The following FNDC3A variants were observed in gnomAD, a reference collection of about 807,000 sequenced individuals.
The protein encoded by FNDC3A is fibronectin type III domain containing 3A, also known as fibronectin type-III domain-containing protein 3A.
Under a neutral mutation model 148.9 loss-of-function variants are expected in FNDC3A, and 32 were observed. The ratio of observed to expected loss-of-function variants is 0.21; its 90% CI spans 0.16 to 0.29. The LOEUF is 0.29. Among genes scored for constraint, FNDC3A ranks in the 10% least tolerant of loss-of-function variants. The probability of loss-of-function intolerance (pLI) is 1.00; values close to 1 mark genes in which losing one functional copy is unlikely to be tolerated. For missense variants in FNDC3A, 1,191 were observed against 1,452.8 expected (o/e 0.82, Z 2.93); for synonymous variants, 472 against 473.6 (o/e 1.00, Z 0.04).
At chr13:49,022,640 C>A (rs549229584) in intron 2 of FNDC3A, among the ~76,000 whole-genome samples, 1 of 152,228 alleles carries the variant, frequency 6.6e-6, no homozygotes, top group African/African-American at 2.4e-5. Context: ...AATTCTAATA[C>A]AAACCATTAA....
chr13:49,088,592 A>G (rs150151141), intron 3 of FNDC3A, among the ~76,000 whole-genome samples: 98 of 152,340 alleles, frequency 6.4e-4, no homozygotes, highest in African/African-American at 2.0e-3. Context: ...AACCAGTAGC[A>G]TTCGACCCAG....
At chr13:48,989,924 G>A (rs910621790) in intron 1 of FNDC3A, among the ~76,000 whole-genome samples, 2 of 151,914 alleles carry the variant, frequency 1.3e-5, no homozygotes, top group African/African-American at 4.8e-5. Context: ...GCTAATTTTT[G>A]TATTTTTAGT....
At chr13:49,069,064 T>TA (rs959999709) in intron 2 of FNDC3A, among the ~76,000 whole-genome samples, 9 of 151,592 alleles carry the variant, frequency 5.9e-5, no homozygotes, top group South Asian at 4.2e-4. Context: ...AAATAAAAGT[T>TA]AAAAAAAATG....
intron 3 of FNDC3A, among the ~76,000 whole-genome samples, chr13:49,113,449 A>G (rs1261681634): frequency 6.6e-6 from 1 of 152,044 alleles, no homozygotes; most frequent in Non-Finnish European, 1.5e-5. Flanking sequence ...CTTCCCTAGA[A>G]AGGGCAGAAT....
In FNDC3A at chr13:49,185,948, TC is replaced by T. The variant is rs1324094469; in HGVS notation, c.1618-15del. 2.5e-6 allele frequency: 4 copies of T among 1,600,572 alleles called. No homozygotes were observed. The Admixed American group carries it at 5.0e-5, about 20-fold the overall frequency. On this transcript the variant is annotated splice_polypyrimidine_tract_variant and intron_variant, in intron 14 of 25. Coordinates refer to ENST00000492622, the MANE Select transcript of FNDC3A (RefSeq NM_001079673.2). ...TATCAAGTGTATTATTTAATGTCTT[TC>T]TGTTCTCATCACAGGTTATTGCTTA... is the stretch of plus-strand genomic sequence containing the variant.
intron 2 of FNDC3A, among the ~76,000 whole-genome samples, chr13:49,010,494 G>T (rs1291148273): frequency 1.3e-5 from 2 of 152,136 alleles, no homozygotes; most frequent in Non-Finnish European, 2.9e-5. Flanking sequence ...AGAAAATAGG[G>T]TTAATATAAT....
rs772760479 is a variant in FNDC3A, at chr13:49,138,761, A to G, written c.775A>G (p.Thr259Ala). The part of the protein sequence containing the change: ...DTEIEEKDEE[T>A]KAFEALLSNI... ...ATTTTTTTAAGAAAAAGATGAAGAA[A>G]CTAAAGCATTTGAAGCACTTCTTTC... is the stretch of plus-strand genomic sequence containing the variant. Residue 259 changes from threonine to alanine, a missense_variant, in exon 7 of 26, where the codon ACT becomes GCT. Physicochemically the swap from Thr to Ala is moderately conservative, Grantham distance 58. Around this residue, in one of 3 missense-constraint regions of FNDC3A, gnomAD observed 426 missense variants for 473.2 expected, o/e 0.90. Coordinates refer to ENST00000492622, the MANE Select transcript of FNDC3A (RefSeq NM_001079673.2). 2 of 1,490,170 alleles carry G rather than the reference A, an allele frequency of 1.3e-6. No homozygotes were observed. Among genetic ancestry groups the G allele is most frequent in the Non-Finnish European group, 1.8e-6 (2 of 1,089,160 alleles). The allele number at this position is 1,490,170 out of a possible 1,614,324, so 92.3% of individuals were successfully genotyped here. A position where few individuals can be genotyped will look rare whatever the true frequency, so the allele number is the denominator to read the frequency against.
At chr13:49,037,071 CAT>C (rs772189986) in intron 2 of FNDC3A, among the ~76,000 whole-genome samples, 3 of 152,176 alleles carry the variant, frequency 2.0e-5, no homozygotes, top group South Asian at 4.1e-4. Flanking sequence ...GGAGAAATCT[CAT>C]AAGCATTGTG....
At chr13:49,094,458 A>G (rs1022913086) in intron 3 of FNDC3A, among the ~76,000 whole-genome samples, 1 of 152,108 alleles carries the variant, frequency 6.6e-6, no homozygotes, top group African/African-American at 2.4e-5. Context: ...ATTGTACTAT[A>G]TAGTTGTAGA....
chr13:49,138,919 G>A (rs534873171), intron 7 of FNDC3A, 114 bp downstream of exon 7: 5 of 514,708 alleles, frequency 9.7e-6, no homozygotes, highest in South Asian at 3.9e-5. Context: ...GGATCATACT[G>A]TATTCTGTGA....
intron 1 of FNDC3A, among the ~76,000 whole-genome samples, chr13:48,991,238 T>C (rs768633193): frequency 6.6e-5 from 10 of 152,214 alleles, no homozygotes; most frequent in Non-Finnish European, 1.2e-4. Flanking sequence ...GAAAAAGATA[T>C]GCCATGCTTA....
intron 2 of FNDC3A, among the ~76,000 whole-genome samples, chr13:49,070,812 A>G (rs958397071): frequency 4.0e-5 from 6 of 150,774 alleles, no homozygotes; most frequent in African/African-American, 1.2e-4. Context: ...TTATGTTTCT[A>G]TGCCTAGCTT....
At chr13:49,121,165 CA>C (rs1881316851) in intron 4 of FNDC3A, among the ~76,000 whole-genome samples, 2 of 152,170 alleles carry the variant, frequency 1.3e-5, no homozygotes, top group Admixed American at 6.5e-5. Flanking sequence ...ACAGTGCAAT[CA>C]AATTAGAACT....
chr13:49,011,847 A>G (rs892315383), intron 2 of FNDC3A, among the ~76,000 whole-genome samples: 15 of 152,170 alleles, frequency 9.9e-5, no homozygotes, highest in African/African-American at 3.6e-4. Flanking sequence ...TACTGAGGCA[A>G]TGAAAATATT....
intron 4 of FNDC3A, among the ~76,000 whole-genome samples, chr13:49,118,708 T>G (rs909963765): frequency 6.6e-6 from 1 of 152,126 alleles, no homozygotes; most frequent in Non-Finnish European, 1.5e-5. Context: ...AGTAGGTAGT[T>G]TTCCCTGAGC....
intron 2 of FNDC3A, among the ~76,000 whole-genome samples, chr13:49,071,373 T>G (rs1877678778): frequency 6.6e-6 from 1 of 152,172 alleles, no homozygotes; most frequent in Non-Finnish European, 1.5e-5. Context: ...ACTGATTTCC[T>G]TTCTTTTGGA....
At chr13:49,144,750 A>G (rs942138158) in intron 7 of FNDC3A, among the ~76,000 whole-genome samples, 1 of 152,194 alleles carries the variant, frequency 6.6e-6, no homozygotes, top group African/African-American at 2.4e-5. Flanking sequence ...CACTTACACA[A>G]AATCCCCAAA....
At chr13:49,050,196 C>T (rs1875736614) in intron 2 of FNDC3A, among the ~76,000 whole-genome samples, 1 of 151,884 alleles carries the variant, frequency 6.6e-6, no homozygotes, top group African/African-American at 2.4e-5. Flanking sequence ...CTGGATTGTT[C>T]TTGTTTTTCC....
intron 2 of FNDC3A, among the ~76,000 whole-genome samples, chr13:49,064,210 A>G (rs1186566791): frequency 2.0e-5 from 3 of 151,992 alleles, no homozygotes; most frequent in Non-Finnish European, 4.4e-5. Flanking sequence ...GCATGGTGGC[A>G]GGTGCCTGTA....
Sources: allele counts gnomAD v4.1 joint callset (sites outside exome capture counted in the v4.1 genomes callset), GRCh38; gene constraint gnomAD v4.1.1; regional missense constraint gnomAD v4.1.1; transcripts MANE v1.5; gene names NCBI Gene and HGNC (gene_info 2026-07-23, HGNC 2026-07-21).